The following KIF13B variants were observed in gnomAD, a reference collection of about 807,000 sequenced individuals.
The protein encoded by KIF13B is kinesin-like protein KIF13B.
Under a neutral mutation model 222.0 loss-of-function variants are expected in KIF13B, and 127 were observed. The observed-to-expected ratio is 0.57, with a 90% CI of 0.50 to 0.66. The LOEUF (loss-of-function observed/expected upper bound fraction) is 0.66. Ranked by LOEUF, KIF13B falls within the 30% of genes least tolerant of loss-of-function variation. The probability of loss-of-function intolerance (pLI) is 0.00; values close to 1 mark genes in which losing one functional copy is unlikely to be tolerated. For missense variants in KIF13B, 2,173 were observed against 2,379.0 expected (o/e 0.91, Z 1.80); for synonymous variants, 976 against 919.0 (o/e 1.06, Z -1.12).
intron 2 of KIF13B, 47 bp from the exon 3 acceptor site, chr8:29,196,246 A>T (rs769461554): frequency 1.8e-5 from 4 of 223,176 alleles, no homozygotes; most frequent in South Asian, 9.5e-5. Context: ...AGAAAAGTTA[A>T]AAAAAAAAAA....
chr8:29,180,708 T>C (rs1812675667), intron 7 of KIF13B, among the ~76,000 whole-genome samples: 1 of 152,168 alleles, frequency 6.6e-6, no homozygotes, highest in African/African-American at 2.4e-5. Flanking sequence ...GTTTTAAAAA[T>C]GAGAACCTCA....
At chr8:29,169,543 T>C (rs894023944) in intron 10 of KIF13B, among the ~76,000 whole-genome samples, 1 of 152,254 alleles carries the variant, frequency 6.6e-6, no homozygotes, top group Non-Finnish European at 1.5e-5. Context: ...ACAGACAATA[T>C]GTCCCTTATT....
intron 1 of KIF13B, chr8:29,249,835 C>T: frequency 9.1e-6 from 3 of 331,396 alleles, no homozygotes; most frequent in Non-Finnish European, 1.2e-5. Flanking sequence ...GAAACACAAA[C>T]CCAAAAAAGG....
In KIF13B at chr8:29,071,378, G is replaced by A. The variant is rs927318427; in HGVS notation, c.5218+242C>T. Among the ~76,000 whole-genome samples the A allele has an allele frequency of 2.6e-5, 4 of 152,130 alleles. No homozygotes were observed. The highest frequency in any genetic ancestry group is 2.9e-5 in the Non-Finnish European group (2 of 68,014). ...CAAAAGCGGGAACAGCCATGGCGAT[G>A]GGGGGATGGGTACAGGATCTTTGTA... is the stretch of plus-strand genomic sequence containing the variant. On this transcript the variant is annotated intron_variant, in intron 39 of 39. Coordinates refer to ENST00000524189, the MANE Select transcript of KIF13B (RefSeq NM_015254.4). This position sits in a 1 kb window ranked among gnomAD's most constrained non-coding sequence, Gnocchi z 4.9.
chr8:29,141,269 G>A (rs1369575731), intron 19 of KIF13B, among the ~76,000 whole-genome samples: 1 of 151,816 alleles, frequency 6.6e-6, no homozygotes, highest in Non-Finnish European at 1.5e-5. Flanking sequence ...AGGAGGCAGA[G>A]GAGGCAGTGA....
At chr8:29,263,158 G>A, upstream of KIF13B, 1 of 780,168 alleles carries the variant, frequency 1.3e-6, no homozygotes. Context: ...TGGGGGCGGG[G>A]CCGGCGCGAG....
At chr8:29,204,110 A>G (rs1272431565) in intron 2 of KIF13B, among the ~76,000 whole-genome samples, 1 of 152,114 alleles carries the variant, frequency 6.6e-6, no homozygotes, top group Non-Finnish European at 1.5e-5. Flanking sequence ...AAATGTAGAA[A>G]AAAGTTTGAC....
rs1179749812 is a variant in KIF13B at position 29,184,667 on chromosome 8, CAT to C, written c.497+1623_497+1624del. Reference sequence around the variant, plus strand: ...ATTACTAACCTATACCCAAGACAAACATAGGAGAAATTACTAAAGACTGTACA... The same window carrying C: ...ATTACTAACCTATACCCAAGACAAACAGGAGAAATTACTAAAGACTGTACA... On this transcript the variant is annotated intron_variant, in intron 6 of 39. Transcript: ENST00000524189. Among the ~76,000 whole-genome samples, 3 of 152,102 alleles carry C rather than the reference CAT, an allele frequency of 2.0e-5. No individual in the cohort carries two copies. The East Asian group carries it at 5.8e-4, about 29-fold the overall frequency.
At chr8:29,072,817 T>C (rs1348739868) in intron 38 of KIF13B, among the ~76,000 whole-genome samples, 1 of 152,150 alleles carries the variant, frequency 6.6e-6, no homozygotes, top group Admixed American at 6.5e-5. Flanking sequence ...ACACAGTAGG[T>C]GCACGCTAAA....
chr8:29,147,806 C>A (rs1430766033), intron 16 of KIF13B, among the ~76,000 whole-genome samples: 3 of 152,156 alleles, frequency 2.0e-5, no homozygotes, highest in Non-Finnish European at 2.9e-5. Flanking sequence ...ATCTTCCCTG[C>A]AGAAAAAGCA....
chr8:29,249,179 T>C (rs979359236), intron 1 of KIF13B, among the ~76,000 whole-genome samples: 2 of 151,984 alleles, frequency 1.3e-5, no homozygotes, highest in Non-Finnish European at 2.9e-5. Flanking sequence ...TGTAATCCCA[T>C]CACTTTGGGA....
intron 37 of KIF13B, among the ~76,000 whole-genome samples, chr8:29,078,773 C>T (rs1230044813): frequency 1.3e-5 from 2 of 152,230 alleles, no homozygotes; most frequent in African/African-American, 4.8e-5. Context: ...AATGTATTCA[C>T]ATTGCCCTGT....
chr8:29,212,522 T>C (rs1814276766), intron 2 of KIF13B, among the ~76,000 whole-genome samples: 1 of 152,160 alleles, frequency 6.6e-6, no homozygotes, highest in Admixed American at 6.5e-5. Flanking sequence ...TCAATGGAGT[T>C]TCTCTCCACA....
intron 36 of KIF13B, among the ~76,000 whole-genome samples, chr8:29,093,726 T>G (rs1451471753): frequency 2.6e-5 from 4 of 152,146 alleles, no homozygotes; most frequent in African/African-American, 9.7e-5. Flanking sequence ...ACATTTTACA[T>G]AAAGCAGTAG....
At chr8:29,219,181 A>G (rs1814626757) in intron 2 of KIF13B, 1 of 152,306 alleles carries the variant, frequency 6.6e-6, no homozygotes, top group African/African-American at 2.4e-5. Context: ...CTCTGTCCTG[A>G]GCACTGACCA....
At chr8:29,188,669 A>T (rs1470829803) in intron 4 of KIF13B, 62 bp from the exon 5 acceptor site, 1 of 996,488 alleles carries the variant, frequency 1.0e-6, no homozygotes, top group Middle Eastern at 2.6e-4. Context: ...AACAATTCAC[A>T]AAACAAAAAC....
rs1811291604 is a variant in KIF13B, at chr8:29,151,402, A to G, written c.1536-1019T>C. On this transcript the variant is annotated intron_variant, in intron 14 of 39. Transcript: ENST00000524189. Reference sequence around the variant, plus strand: ...GAGATTTTTGATGTAGATGAAACAGACTTCTACTGGAAGAAGATGTCATCT... The same window carrying G: ...GAGATTTTTGATGTAGATGAAACAGGCTTCTACTGGAAGAAGATGTCATCT... 2.0e-5 allele frequency among the ~76,000 whole-genome samples: 3 copies of G among 152,364 alleles called. No individual in the cohort carries two copies. The South Asian group carries it at 6.2e-4, about 32-fold the overall frequency.
chr8:29,176,729 C>A (rs934770146), intron 9 of KIF13B, among the ~76,000 whole-genome samples: 4 of 152,142 alleles, frequency 2.6e-5, no homozygotes, highest in African/African-American at 9.7e-5. Context: ...CACAGGATCA[C>A]CCCTCCCATG....
chr8:29,251,277 A>C (rs1816270518), intron 1 of KIF13B, among the ~76,000 whole-genome samples: 1 of 152,238 alleles, frequency 6.6e-6, no homozygotes, highest in East Asian at 1.9e-4. Context: ...CTCTTGGCTT[A>C]AAATACTAAA....
Sources: gnomAD v4.1 joint callset for allele counts (sites outside exome capture counted in the v4.1 genomes callset) on GRCh38, gnomAD v4.1.1 for gene constraint, Gnocchi (gnomAD v3.1) non-coding constraint, MANE v1.5 for transcripts, NCBI Gene and HGNC (gene_info 2026-07-23, HGNC 2026-07-21) for gene names.